Variants in TSPAN8 observed in about 807,000 individuals in gnomAD.
TSPAN8 encodes tetraspanin-8.
A neutral mutation model predicts 32.8 loss-of-function variants in TSPAN8; 21 were observed. The observed-to-expected ratio is 0.64, with a 90% CI of 0.45 to 0.92. The LOEUF (loss-of-function observed/expected upper bound fraction) is 0.92, where lower values mean the gene tolerates loss of function less well. Among genes scored for constraint, TSPAN8 ranks in the 40% least tolerant of loss-of-function variants. TSPAN8 has a pLI of 0.00. For synonymous variants in TSPAN8, 95 were observed against 94.6 expected (o/e 1.00, Z -0.03); for missense variants, 269 against 281.9 (o/e 0.95, Z 0.33).
chr12:71,138,869 T>C (rs1378826325), intron 4 of TSPAN8, among the ~76,000 whole-genome samples: 7 of 152,252 alleles, frequency 4.6e-5, no homozygotes, highest in Non-Finnish European at 1.0e-4. Flanking sequence ...TGAACATTTT[T>C]CTCAGGTACT....
chr12:71,134,261 C>A (rs772226069), intron 6 of TSPAN8, among the ~76,000 whole-genome samples: 39 of 152,116 alleles, frequency 2.6e-4, no homozygotes, highest in Non-Finnish European at 1.0e-4. Flanking sequence ...TCATTGTTTG[C>A]TGTTGGTGTT....
At chr12:71,136,851 T>C (rs75196919) in intron 6 of TSPAN8, among the ~76,000 whole-genome samples, 4,429 of 152,282 alleles carry the variant, frequency 0.029, 177 homozygotes, top group East Asian at 0.16. Flanking sequence ...AGGATAATGA[T>C]ATTACCCATC....
intron 2 of TSPAN8, among the ~76,000 whole-genome samples, chr12:71,150,617 A>C (rs1872222506): frequency 6.6e-6 from 1 of 152,128 alleles, no homozygotes; most frequent in South Asian, 2.1e-4. Flanking sequence ...CCTACGTTGA[A>C]ATACTGGGGG....
At chr12:71,126,695 T>C (rs1486460984) in intron 8 of TSPAN8, among the ~76,000 whole-genome samples, 1 of 152,134 alleles carries the variant, frequency 6.6e-6, no homozygotes, top group Admixed American at 6.6e-5. Context: ...TTTAACTGCT[T>C]TATTTCTAGG....
At chr12:71,154,622 A>G (rs1872367340) in intron 2 of TSPAN8, among the ~76,000 whole-genome samples, 2 of 152,126 alleles carry the variant, frequency 1.3e-5, no homozygotes, top group Non-Finnish European at 2.9e-5. Flanking sequence ...TAACTGTTTC[A>G]TTATTTGAAG....
intron 2 of TSPAN8, 83 bp downstream of exon 2, chr12:71,157,536 T>C (rs1319361035): frequency 1.1e-6 from 1 of 940,342 alleles, no homozygotes; most frequent in Non-Finnish European, 1.7e-6. Flanking sequence ...ATTTCTCTAG[T>C]GTACAGTCTG....
chr12:71,125,264 T>A lies in TSPAN8; in HGVS notation c.*70A>T. ...TCCTGACTTATATAGCACTTACATA[T>A]TTAAATTTACAAAGCCAAAGCAACA... On this transcript the variant is annotated 3_prime_UTR_variant, in exon 9 of 9. Coordinates refer to ENST00000247829, the MANE Select transcript of TSPAN8 (RefSeq NM_004616.3). 7.1e-7 allele frequency: 1 copy of A among 1,417,238 alleles called. No individual in the cohort carries two copies. The highest frequency in any genetic ancestry group is 1.4e-5 in the African/African-American group (1 of 70,238). 87.8% of individuals were successfully genotyped at this position (1,417,238 alleles called of 1,614,324 possible).
intron 2 of TSPAN8, among the ~76,000 whole-genome samples, chr12:71,145,024 T>A (rs1385326754): frequency 6.6e-6 from 1 of 152,032 alleles, no homozygotes; most frequent in Non-Finnish European, 1.5e-5. Flanking sequence ...GATAGAGATG[T>A]TAAGAGCTGT....
chr12:71,133,144 C>T (rs112980742), intron 6 of TSPAN8, among the ~76,000 whole-genome samples: 2,205 of 152,130 alleles, frequency 0.014, 36 homozygotes, highest in East Asian at 0.05. Flanking sequence ...AGTGCAGTGA[C>T]GCGATCTCGG....
intron 2 of TSPAN8, among the ~76,000 whole-genome samples, chr12:71,151,355 G>T (rs533879833): frequency 6.6e-6 from 1 of 152,160 alleles, no homozygotes; most frequent in Non-Finnish European, 1.5e-5. Flanking sequence ...GAGCCACCGC[G>T]CCTGGTCTCA....
chr12:71,137,590 A>G (rs111974442), intron 6 of TSPAN8, among the ~76,000 whole-genome samples: 13 of 108,378 alleles, frequency 1.2e-4, no homozygotes, highest in African/African-American at 4.3e-4. Context: ...ACAGAGCAAG[A>G]CTCTGTCCCC....
intron 7 of TSPAN8, among the ~76,000 whole-genome samples, chr12:71,129,631 C>A (rs1482631838): frequency 6.6e-6 from 1 of 152,076 alleles, no homozygotes; most frequent in Non-Finnish European, 1.5e-5. Flanking sequence ...AATTGAGGAA[C>A]AAAATTTTGC....
intron 6 of TSPAN8, among the ~76,000 whole-genome samples, chr12:71,134,174 GA>G (rs1871608018): frequency 6.6e-6 from 1 of 152,054 alleles, no homozygotes; most frequent in Non-Finnish European, 1.5e-5. Flanking sequence ...ATAAACATAA[GA>G]AAATCCATGT....
intron 6 of TSPAN8, among the ~76,000 whole-genome samples, chr12:71,135,229 AAGGAGGAGGAGGAGG>A (rs751370557): frequency 2.0e-5 from 1 of 49,416 alleles, no homozygotes; most frequent in Non-Finnish European, 4.9e-5. Context: ...GAGGAAGAAG[AAGGAGGAGGAGGAGG>A]AGGAGGAGGA....
At chr12:71,151,907 T>A (rs1592410948) in intron 2 of TSPAN8, among the ~76,000 whole-genome samples, 1 of 152,218 alleles carries the variant, frequency 6.6e-6, no homozygotes, top group Non-Finnish European at 1.5e-5. Context: ...CTCCTGCATA[T>A]GCCTCACCCT....
At chr12:71,135,291 A>G (rs12426082) in intron 6 of TSPAN8, among the ~76,000 whole-genome samples, 3,453 of 108,470 alleles carry the variant, frequency 0.032, 127 homozygotes, top group East Asian at 0.21. Flanking sequence ...GAAGAAGAAG[A>G]AGGAGGAGGG....
chr12:71,153,510 C>T lies in TSPAN8; in HGVS notation c.60+4109G>A, dbSNP rs151184785. ...GCATATCTAAGAGATATTTTAACAT[C>T]GGCTCTACTTTGCAAAGGCTCAGTT... On this transcript the variant is annotated intron_variant, in intron 2 of 8. Transcript: ENST00000247829. Among the ~76,000 whole-genome samples, 7 of 152,286 alleles carry T rather than the reference C, an allele frequency of 4.6e-5. No individual in the cohort carries two copies. In the East Asian group the frequency reaches 7.7e-4, roughly 17 times the overall value.
chr12:71,131,286 C>T (rs1363054165), intron 7 of TSPAN8, among the ~76,000 whole-genome samples: 1 of 151,958 alleles, frequency 6.6e-6, no homozygotes, highest in Non-Finnish European at 1.5e-5. Flanking sequence ...ATTACTTTGA[C>T]AATGAAAAAC....
intron 2 of TSPAN8, among the ~76,000 whole-genome samples, chr12:71,144,958 A>T (rs1449770970): frequency 1.3e-5 from 2 of 149,590 alleles, no homozygotes; most frequent in Non-Finnish European, 3.0e-5. Flanking sequence ...TTCAGGGTTT[A>T]AAAAAAAAAG....
Sources: gnomAD v4.1 joint callset for allele counts (sites outside exome capture counted in the v4.1 genomes callset) on GRCh38, gnomAD v4.1.1 for gene constraint, MANE v1.5 for transcripts, NCBI Gene and HGNC (gene_info 2026-07-23, HGNC 2026-07-21) for gene names.